The following STPG2 variants were observed in gnomAD, a reference collection of about 807,000 sequenced individuals.
The protein encoded by STPG2 is sperm tail PG-rich repeat containing 2.
In STPG2, 56 loss-of-function variants were observed where a neutral mutation model predicts 54.2. The observed-to-expected ratio is 1.03, with a 90% confidence interval of 0.83 to 1.29. The LOEUF (loss-of-function observed/expected upper bound fraction) is 1.29, where lower values mean the gene tolerates loss of function less well. Ranked by LOEUF, STPG2 falls within the 50% of genes most tolerant of loss-of-function variation. The pLI is 0.00. For synonymous variants in STPG2, 200 were observed against 181.8 expected, an observed-to-expected ratio of 1.10 and a Z score of -0.81; for missense variants, 596 against 544.9, an observed-to-expected ratio of 1.09 and a Z score of -0.93.
chr4:98,136,354 T>C (rs1288682848), intron 1 of STPG2, among the ~76,000 whole-genome samples: 1 of 151,766 alleles, frequency 6.6e-6, no homozygotes, highest in Non-Finnish European at 1.5e-5. Context: ...GTAATATACG[T>C]AACCTATAAT....
chr4:97,703,693 G>T (rs1487143799), intron 10 of STPG2, among the ~76,000 whole-genome samples: 1 of 137,294 alleles, frequency 7.3e-6, no homozygotes, highest in East Asian at 2.0e-4. Flanking sequence ...TATATATTTA[G>T]TATATATAGT....
intron 5 of STPG2, among the ~76,000 whole-genome samples, chr4:98,105,274 A>G (rs957001310): frequency 7.2e-5 from 11 of 152,168 alleles, no homozygotes; most frequent in Admixed American, 7.2e-4. Context: ...ATTCGGTTAA[A>G]GTTTTCCTTT....
chr4:97,933,997 G>T (rs1404789970), intron 8 of STPG2, among the ~76,000 whole-genome samples: 2 of 152,092 alleles, frequency 1.3e-5, no homozygotes, highest in African/African-American at 4.8e-5. Context: ...CAACCATGAG[G>T]ATGGAATGTA....
At chr4:97,675,547 G>A (rs1194935707) in intron 10 of STPG2, among the ~76,000 whole-genome samples, 1 of 152,088 alleles carries the variant, frequency 6.6e-6, no homozygotes, top group Non-Finnish European at 1.5e-5. Flanking sequence ...AAATTTGAAT[G>A]CGGTGCCCTG....
intron 10 of STPG2, among the ~76,000 whole-genome samples, chr4:97,600,662 T>C (rs927255441): frequency 6.6e-6 from 1 of 152,148 alleles, no homozygotes; most frequent in East Asian, 1.9e-4. Flanking sequence ...CTAGAAGATA[T>C]AGTCACACAC....
chr4:97,877,650 C>G (rs959946072), intron 8 of STPG2, among the ~76,000 whole-genome samples: 2 of 152,138 alleles, frequency 1.3e-5, no homozygotes, highest in South Asian at 2.1e-4. Context: ...CATGATTCAA[C>G]TGTCTTCCAC....
At chr4:97,981,889 CTT>C (rs577222820) in intron 5 of STPG2, among the ~76,000 whole-genome samples, 7 of 139,402 alleles carry the variant, frequency 5.0e-5, no homozygotes, top group South Asian at 4.5e-4. Flanking sequence ...ACTGTATAAT[CTT>C]TTTTTTTTTT....
chr4:97,877,912 AAAAGC>A (rs559406611), intron 8 of STPG2, among the ~76,000 whole-genome samples: 295 of 152,360 alleles, frequency 1.9e-3, no homozygotes, highest in African/African-American at 7.0e-3. Flanking sequence ...CTGTAAAATT[AAAAGC>A]AAGTTAGTTA....
At chr4:98,009,564 C>T (rs952239947) in intron 5 of STPG2, among the ~76,000 whole-genome samples, 10 of 152,100 alleles carry the variant, frequency 6.6e-5, no homozygotes, top group East Asian at 3.9e-4. Context: ...TGCTGTTGAA[C>T]GGAATGTTCT....
intron 8 of STPG2, among the ~76,000 whole-genome samples, chr4:97,932,671 C>A (rs1261966505): frequency 6.6e-6 from 1 of 152,190 alleles, no homozygotes; most frequent in Non-Finnish European, 1.5e-5. Flanking sequence ...CCAGCTCCAT[C>A]CATGCACCCG....
At chr4:97,714,351 T>C (rs1267338248) in intron 9 of STPG2, among the ~76,000 whole-genome samples, 3 of 152,202 alleles carry the variant, frequency 2.0e-5, no homozygotes, top group South Asian at 2.1e-4. Context: ...CCAATCATTC[T>C]AATATCAGCT....
At chr4:98,082,660 G>A (rs1479637062) in intron 5 of STPG2, among the ~76,000 whole-genome samples, 4 of 151,478 alleles carry the variant, frequency 2.6e-5, no homozygotes, top group African/African-American at 9.7e-5. Context: ...CGCCACGTTG[G>A]CCTGGATGGT....
intron 7 of STPG2, among the ~76,000 whole-genome samples, chr4:97,944,649 T>C (rs888074871): frequency 2.6e-5 from 4 of 152,158 alleles, no homozygotes; most frequent in Admixed American, 1.3e-4. Context: ...TAAGAATCTA[T>C]TTTCCCATTT....
chr4:97,866,362 C>G (rs1729779678), intron 8 of STPG2, among the ~76,000 whole-genome samples: 1 of 151,830 alleles, frequency 6.6e-6, no homozygotes, highest in African/African-American at 2.4e-5. Flanking sequence ...TCATATACCC[C>G]ATAAATACAC....
intron 8 of STPG2, among the ~76,000 whole-genome samples, chr4:97,841,474 A>G (rs934915439): frequency 5.3e-5 from 8 of 151,818 alleles, no homozygotes; most frequent in Non-Finnish European, 1.0e-4. Flanking sequence ...TAATAAATAT[A>G]ATAATTAATT....
At chr4:97,508,774 G>T (rs1334191391) in intron 4 of STPG2, among the ~76,000 whole-genome samples, 1 of 151,788 alleles carries the variant, frequency 6.6e-6, no homozygotes, top group African/African-American at 2.4e-5. Context: ...ATAAATCCAC[G>T]ATTATGAACT....
intron 9 of STPG2, among the ~76,000 whole-genome samples, chr4:97,740,706 T>G (rs1332643544): frequency 2.6e-5 from 4 of 151,952 alleles, no homozygotes; most frequent in Non-Finnish European, 4.4e-5. Context: ...CTCAAGGAAA[T>G]AAAAGAGGAT....
rs535081566 is a variant in STPG2, at chr4:98,130,832, G to A, written c.223-2240C>T. On this transcript the variant is annotated intron_variant, in intron 2 of 10. Coordinates refer to ENST00000295268, the MANE Select transcript of STPG2 (RefSeq NM_174952.3). The stretch of plus-strand genomic sequence containing the variant: ...AGCTACTCAAGAAGCTGTGGCAGGA[G>A]AATGGCGTGAACCCGGGAGGTGGAG... Among the ~76,000 whole-genome samples the A allele has an allele frequency of 1.4e-4, 21 of 146,184 alleles. No homozygotes were observed. The South Asian group carries it at 4.2e-3, about 30-fold the overall frequency.
At chr4:97,726,144 G>A (rs13120457) in intron 9 of STPG2, among the ~76,000 whole-genome samples, 1 of 151,860 alleles carries the variant, frequency 6.6e-6, no homozygotes, top group Non-Finnish European at 1.5e-5. Flanking sequence ...CTCCAGAAAA[G>A]AGGTCTCCAG....
Sources: gnomAD v4.1 joint callset for allele counts (sites outside exome capture counted in the v4.1 genomes callset) on GRCh38, gnomAD v4.1.1 for gene constraint, MANE v1.5 for transcripts, NCBI Gene and HGNC (gene_info 2026-07-23, HGNC 2026-07-21) for gene names.